CABLES1: variants seen among roughly 807,000 people sequenced by gnomAD.
CABLES1 encodes the protein Cdk5 and Abl enzyme substrate 1, also known as CDK5 and ABL1 enzyme substrate 1.
CABLES1 carries 36 observed loss-of-function variants against 57.8 expected under a neutral mutation model. That is an observed-to-expected ratio of 0.62 (90% CI 0.48 to 0.82). The LOEUF (loss-of-function observed/expected upper bound fraction) is 0.82, where lower values mean the gene tolerates loss of function less well. Ranked by LOEUF, CABLES1 falls within the 40% of genes least tolerant of loss-of-function variation. The probability of loss-of-function intolerance (pLI) is 0.00; values close to 1 mark genes in which losing one functional copy is unlikely to be tolerated. For missense variants in CABLES1, 767 were observed against 836.6 expected (o/e 0.92, Z 1.03); for synonymous variants, 374 against 363.0 (o/e 1.03, Z -0.35).
At chr18:23,163,733 CTG>C (rs2047021264) in intron 1 of CABLES1, among the ~76,000 whole-genome samples, 1 of 152,236 alleles carries the variant, frequency 6.6e-6, no homozygotes, top group African/African-American at 2.4e-5. Context: ...CTACTTGACT[CTG>C]TGGTCATTTA....
At chr18:23,230,625 C>T (rs183475140) in intron 4 of CABLES1, among the ~76,000 whole-genome samples, 8 of 152,200 alleles carry the variant, frequency 5.3e-5, no homozygotes, top group Admixed American at 3.9e-4. Context: ...ACTGTATCAG[C>T]GAAGTTTTGA....
At chr18:23,194,134 C>T (rs186335894) in intron 2 of CABLES1, among the ~76,000 whole-genome samples, 163 of 152,202 alleles carry the variant, frequency 1.1e-3, no homozygotes, top group African/African-American at 3.8e-3. Flanking sequence ...TTTAAGACAA[C>T]AATAAAGAAT....
chr18:23,195,192 T>C (rs2047273284), intron 3 of CABLES1, among the ~76,000 whole-genome samples: 1 of 152,210 alleles, frequency 6.6e-6, no homozygotes, highest in Non-Finnish European at 1.5e-5. Flanking sequence ...GCCAGCATGC[T>C]CATGATTGGA....
At chr18:23,158,149 A>G (rs1304861083) in intron 1 of CABLES1, among the ~76,000 whole-genome samples, 1 of 151,372 alleles carries the variant, frequency 6.6e-6, no homozygotes, top group Admixed American at 6.6e-5. Flanking sequence ...CAAACCCACA[A>G]AATTTAGCTG....
At chr18:23,243,699 C>T (rs925992648) in intron 7 of CABLES1, among the ~76,000 whole-genome samples, 2 of 151,586 alleles carry the variant, frequency 1.3e-5, no homozygotes, top group Admixed American at 6.6e-5. Flanking sequence ...ATGGCAAAAC[C>T]GTCTCTACTA....
intron 1 of CABLES1, among the ~76,000 whole-genome samples, chr18:23,147,979 C>CTTTTTTT (rs10603023): frequency 1.3e-5 from 1 of 78,358 alleles, no homozygotes; most frequent in Admixed American, 1.6e-4. Context: ...GCTTGGCCTC[C>CTTTTTTT]TTTTTTTTTT....
At chr18:23,208,595 C>T (rs368254555) in intron 3 of CABLES1, among the ~76,000 whole-genome samples, 38 of 152,284 alleles carry the variant, frequency 2.5e-4, no homozygotes, top group African/African-American at 7.5e-4. Context: ...ATGCCTTCAC[C>T]GTCTCTGTGC....
At chr18:23,220,868 A>G (rs906508747) in intron 4 of CABLES1, among the ~76,000 whole-genome samples, 1 of 152,078 alleles carries the variant, frequency 6.6e-6, no homozygotes, top group Non-Finnish European at 1.5e-5. Flanking sequence ...CCCCATCTGG[A>G]TATTTGTCGT....
intron 4 of CABLES1, among the ~76,000 whole-genome samples, chr18:23,216,755 CAT>C (rs377745741): frequency 4.8e-4 from 73 of 152,342 alleles, no homozygotes; most frequent in African/African-American, 1.7e-3. Context: ...CTCCACTGGA[CAT>C]CCTTGTGGAT....
At chr18:23,135,244 G>A (rs1348188058), upstream of CABLES1, among the ~76,000 whole-genome samples, 2 of 152,080 alleles carry the variant, frequency 1.3e-5, no homozygotes, top group Non-Finnish European at 2.9e-5. Flanking sequence ...AGGCAGCTCC[G>A]ACAACCCGGA....
chr18:23,252,375 A>T (rs1271266268), intron 7 of CABLES1, among the ~76,000 whole-genome samples: 1 of 152,196 alleles, frequency 6.6e-6, no homozygotes, highest in Non-Finnish European at 1.5e-5. Context: ...ATTGTATGTG[A>T]TGTGTATTTT....
intron 7 of CABLES1, among the ~76,000 whole-genome samples, chr18:23,240,719 G>A (rs769370815): frequency 3.3e-5 from 5 of 152,080 alleles, no homozygotes; most frequent in Non-Finnish European, 7.4e-5. Flanking sequence ...CGTCTTCCTC[G>A]GGCCCCCAGG....
At chr18:23,203,159 CCTCT>C (rs926748926) in intron 3 of CABLES1, among the ~76,000 whole-genome samples, 4 of 152,078 alleles carry the variant, frequency 2.6e-5, no homozygotes, top group Admixed American at 6.5e-5. Context: ...GTGTCTCCTC[CCTCT>C]GTCACGTGCC....
At chr18:23,220,245 T>C (rs944177200) in intron 4 of CABLES1, among the ~76,000 whole-genome samples, 4 of 152,130 alleles carry the variant, frequency 2.6e-5, no homozygotes, top group Admixed American at 1.3e-4. Context: ...CAGTCAAGCA[T>C]GTGTGTGAAT....
At chr18:23,256,472 T>C (rs2048169031) in intron 9 of CABLES1, among the ~76,000 whole-genome samples, 1 of 152,138 alleles carries the variant, frequency 6.6e-6, no homozygotes, top group African/African-American at 2.4e-5. Context: ...CGTGCGTGGT[T>C]TGCTTTATTA....
At chr18:23,147,161 T>C (rs1219546619) in intron 1 of CABLES1, among the ~76,000 whole-genome samples, 1 of 152,154 alleles carries the variant, frequency 6.6e-6, no homozygotes, top group African/African-American at 2.4e-5. Flanking sequence ...CTCCAGATAA[T>C]ATTAATAGCT....
intron 1 of CABLES1, among the ~76,000 whole-genome samples, chr18:23,155,532 A>G (rs1297781253): frequency 1.3e-5 from 2 of 152,240 alleles, no homozygotes; most frequent in African/African-American, 4.8e-5. Context: ...TAACCCTGGC[A>G]AAAGTAATGG....
chr18:23,196,393 GA>G (rs1397975594), intron 3 of CABLES1, among the ~76,000 whole-genome samples: 5 of 152,206 alleles, frequency 3.3e-5, no homozygotes, highest in Non-Finnish European at 7.3e-5. Flanking sequence ...GGGCCGGCAG[GA>G]GGGGCTGGCC....
At chr18:23,246,454 A>C (rs554935588) in intron 7 of CABLES1, among the ~76,000 whole-genome samples, 29 of 151,806 alleles carry the variant, frequency 1.9e-4, no homozygotes, top group Admixed American at 4.0e-4. Flanking sequence ...TGCAGTGGCA[A>C]GATCTTGGCT....
Sources: allele counts gnomAD v4.1 joint callset (sites outside exome capture counted in the v4.1 genomes callset), GRCh38; gene constraint gnomAD v4.1.1; transcripts MANE v1.5; gene names NCBI Gene and HGNC (gene_info 2026-07-23, HGNC 2026-07-21).